SUSD1: variants seen among roughly 807,000 people sequenced by gnomAD.
The protein encoded by SUSD1 is sushi domain-containing protein 1.
In SUSD1, 65 loss-of-function variants were observed where a neutral mutation model predicts 86.9. The observed-to-expected ratio is 0.75, with a 90% confidence interval of 0.61 to 0.92. SUSD1 has a LOEUF of 0.92. SUSD1 is among the 40% of genes least tolerant of loss of function. The pLI, the probability that SUSD1 is intolerant of heterozygous loss-of-function variation, is 0.00. For missense variants in SUSD1, 850 were observed against 929.7 expected, an observed-to-expected ratio of 0.91 and a Z score of 1.11; for synonymous variants, 346 against 350.0, an observed-to-expected ratio of 0.99 and a Z score of 0.13.
intron 15 of SUSD1, among the ~76,000 whole-genome samples, chr9:112,045,901 C>G (rs1827936002): frequency 2.0e-5 from 3 of 152,244 alleles, no homozygotes; most frequent in Admixed American, 2.0e-4. Flanking sequence ...TTTCTTTCTT[C>G]TAACTATCCC....
chr9:112,121,772 A>G (rs944303662), intron 6 of SUSD1, among the ~76,000 whole-genome samples: 1 of 152,254 alleles, frequency 6.6e-6, no homozygotes, highest in Non-Finnish European at 1.5e-5. Flanking sequence ...GCAAGTCAAC[A>G]GCCAGAAATA....
Position 112,078,733 on chromosome 9 carries a change from T to C in SUSD1, c.1567-9A>G. On this transcript the variant is annotated splice_polypyrimidine_tract_variant and intron_variant, in intron 11 of 16. Coordinates refer to ENST00000374270, the MANE Select transcript of SUSD1 (RefSeq NM_022486.5). ...TGGCCCCAAATGTGGAACTGAAACA[T>C]AAAAAAGCTCACTGGGTGAATGGTT... 6.2e-7 allele frequency: 1 copy of C among 1,602,720 alleles called. No individual in the cohort carries two copies. The highest frequency in any genetic ancestry group is 8.5e-7 in the Non-Finnish European group (1 of 1,171,598).
At chr9:112,157,761 G>T in intron 1 of SUSD1, 148 bp from the exon 2 acceptor site, 3 of 492,042 alleles carry the variant, frequency 6.1e-6, no homozygotes, top group Non-Finnish European at 1.1e-5. Flanking sequence ...TTCAGTGGCT[G>T]TTTATTTCTC....
chr9:112,128,940 T>A (rs111568423), intron 5 of SUSD1, among the ~76,000 whole-genome samples: 140 of 152,160 alleles, frequency 9.2e-4, no homozygotes, highest in African/African-American at 3.2e-3. Flanking sequence ...AAATCTTGGG[T>A]TTTATTTTAA....
intron 6 of SUSD1, among the ~76,000 whole-genome samples, chr9:112,115,780 G>T (rs1831285882): frequency 8.3e-6 from 1 of 120,452 alleles, no homozygotes. Context: ...CTGCACTGCA[G>T]CCTGGGCGGC....
chr9:112,078,458 A>T (rs191617630), intron 12 of SUSD1, 80 bp downstream of exon 12: 1 of 1,379,890 alleles, frequency 7.2e-7, no homozygotes, highest in East Asian at 2.3e-5. Flanking sequence ...GATAAAAAGC[A>T]ACAGTGTTCC....
chr9:112,058,037 G>T (rs144918892), intron 14 of SUSD1, among the ~76,000 whole-genome samples: 2 of 152,324 alleles, frequency 1.3e-5, no homozygotes, highest in African/African-American at 4.8e-5. Flanking sequence ...AAAAACAGCC[G>T]AGTGCTGTGC....
chr9:112,097,745 AAGAGC>A (rs1178004514), intron 10 of SUSD1, among the ~76,000 whole-genome samples: 1 of 152,070 alleles, frequency 6.6e-6, no homozygotes, highest in Non-Finnish European at 1.5e-5. Context: ...CTGACCCACA[AAGAGC>A]AGAGGTGAAT....
intron 5 of SUSD1, among the ~76,000 whole-genome samples, chr9:112,140,229 G>GC (rs1325760258): frequency 7.8e-6 from 1 of 128,702 alleles, no homozygotes; most frequent in Non-Finnish European, 1.6e-5. Flanking sequence ...GGGCGCGGTG[G>GC]CGGGCGCCTG....
intron 9 of SUSD1, among the ~76,000 whole-genome samples, chr9:112,100,070 T>G (rs1244078420): frequency 6.6e-6 from 1 of 152,252 alleles, no homozygotes; most frequent in African/African-American, 2.4e-5. Context: ...CATAATGTGT[T>G]CATGCGTGTT....
chr9:112,143,721 G>A (rs1589719741), intron 3 of SUSD1, 98 bp from the exon 4 acceptor site: 2 of 1,248,472 alleles, frequency 1.6e-6, no homozygotes, highest in East Asian at 4.9e-5. Flanking sequence ...ACATTTTCAA[G>A]CTACTCTTGT....
rs769217355 is a variant in SUSD1, at chr9:112,125,122, C to T, written c.707-686G>A. 3.1e-4 allele frequency among the ~76,000 whole-genome samples: 47 copies of T among 151,796 alleles called. 1 individual carries two copies. The highest frequency in any genetic ancestry group is 5.6e-4 in the Non-Finnish European group (38 of 67,966). On this transcript the variant is annotated intron_variant, in intron 5 of 16. Transcript: ENST00000374270. ...ATTTCAGAATTTTAAAAAATCGATC[C>T]GTTTATCTTTTCTGGGAAAAAAAAA...
chr9:112,151,385 TC>T (rs1281350009), intron 2 of SUSD1, among the ~76,000 whole-genome samples: 12 of 151,760 alleles, frequency 7.9e-5, no homozygotes, highest in African/African-American at 2.9e-4. Flanking sequence ...TCGCCTGAGG[TC>T]AGGAGTTCGA....
intron 1 of SUSD1, among the ~76,000 whole-genome samples, chr9:112,169,972 G>A (rs1390257236): frequency 1.3e-5 from 2 of 152,184 alleles, no homozygotes; most frequent in African/African-American, 4.8e-5. Flanking sequence ...ACCACGCCAA[G>A]CTGAGTGTAT....
chr9:112,157,748 A>C, intron 1 of SUSD1, 135 bp from the exon 2 acceptor site: 1 of 569,300 alleles, frequency 1.8e-6, no homozygotes, highest in Non-Finnish European at 3.1e-6. Flanking sequence ...ATCCTTAAAA[A>C]CCTTCAGTGG....
At chr9:112,096,119 T>A (rs1448259235) in intron 10 of SUSD1, among the ~76,000 whole-genome samples, 1 of 152,176 alleles carries the variant, frequency 6.6e-6, no homozygotes, top group East Asian at 1.9e-4. Context: ...GAGGCTGAAC[T>A]ATGGCATGCT....
chr9:112,133,057 C>A (rs1245861294), intron 5 of SUSD1, among the ~76,000 whole-genome samples: 1 of 152,224 alleles, frequency 6.6e-6, no homozygotes, highest in Non-Finnish European at 1.5e-5. Context: ...GCATGAGGAT[C>A]ACTTGAGCCC....
At chr9:112,149,174 A>G in intron 3 of SUSD1, 70 bp downstream of exon 3, 1 of 1,566,834 alleles carries the variant, frequency 6.4e-7, no homozygotes, top group Non-Finnish European at 8.7e-7. Context: ...CCCTAATATT[A>G]ACAAATACAC....
At chr9:112,089,737 G>A (rs548748761) in intron 10 of SUSD1, among the ~76,000 whole-genome samples, 7 of 151,418 alleles carry the variant, frequency 4.6e-5, no homozygotes, top group South Asian at 4.2e-4. Flanking sequence ...GCTCGAACCC[G>A]GGAGGCGGAA....
Sources: allele counts gnomAD v4.1 joint callset (sites outside exome capture counted in the v4.1 genomes callset), GRCh38; gene constraint gnomAD v4.1.1; transcripts MANE v1.5; gene names NCBI Gene and HGNC (gene_info 2026-07-23, HGNC 2026-07-21).